DST: variants seen among roughly 807,000 people sequenced by gnomAD.
The protein encoded by DST is bullous pemphigoid antigen.
DST carries 253 observed loss-of-function variants against 875.2 expected under a neutral mutation model. The observed-to-expected ratio is 0.29, with a 90% CI of 0.26 to 0.32. The LOEUF is 0.32. DST is among the 10% of genes least tolerant of loss of function. DST has a pLI of 1.00. For missense variants in DST, 8,287 were observed against 9,111.6 expected (o/e 0.91, Z 3.68); for synonymous variants, 3,124 against 3,197.1 (o/e 0.98, Z 0.77).
chr6:56,945,941 G>A (rs1819247508), intron 2 of DST: 1 of 152,104 alleles, frequency 6.6e-6, no homozygotes, highest in African/African-American at 2.4e-5. Flanking sequence ...GGTTTATTTT[G>A]GGGGTGATGA....
chr6:56,694,347 T>C (rs2099250794), intron 9 of DST, among the ~76,000 whole-genome samples: 1 of 152,154 alleles, frequency 6.6e-6, no homozygotes, highest in African/African-American at 2.4e-5. Flanking sequence ...GAACTCATTA[T>C]ATTTTACTAA....
chr6:56,492,501 G>A, intron 84 of DST, 68 bp from the exon 85 acceptor site: 1 of 1,445,872 alleles, frequency 6.9e-7, no homozygotes, highest in Non-Finnish European at 9.5e-7. Flanking sequence ...AATGCTTCTG[G>A]TGTCATAAAC....
chr6:56,931,642 G>A (rs568776214), intron 2 of DST, among the ~76,000 whole-genome samples: 1 of 152,356 alleles, frequency 6.6e-6, no homozygotes, highest in African/African-American at 2.4e-5. Context: ...AGCTGCCCAA[G>A]AACATGGGAA....
At chr6:56,920,923 T>TTTTC (rs59362783) in intron 2 of DST, among the ~76,000 whole-genome samples, 6 of 141,326 alleles carry the variant, frequency 4.2e-5, no homozygotes, top group African/African-American at 1.6e-4. Flanking sequence ...TTTTTTTTTT[T>TTTTC]CACAGAGACA....
chr6:56,808,314 T>C (rs1211514380), intron 4 of DST, among the ~76,000 whole-genome samples: 1 of 151,076 alleles, frequency 6.6e-6, no homozygotes, highest in Non-Finnish European at 1.5e-5. Context: ...AATACAAAAG[T>C]CTATAGGAAT....
At chr6:56,654,194 C>T in intron 10 of DST, among the ~76,000 whole-genome samples, 2 of 152,080 alleles carry the variant, frequency 1.3e-5, no homozygotes, top group South Asian at 2.1e-4. Flanking sequence ...GAAAAAAAGG[C>T]CATTCTCTTA....
At chr6:56,720,954 C>T (rs1243942869) in intron 5 of DST, among the ~76,000 whole-genome samples, 8 of 152,038 alleles carry the variant, frequency 5.3e-5, no homozygotes, top group African/African-American at 2.4e-5. Flanking sequence ...CCCCACCCCC[C>T]AGACGGGGCA....
intron 34 of DST, among the ~76,000 whole-genome samples, chr6:56,625,851 CT>C (rs1349494447): frequency 3.3e-5 from 5 of 151,512 alleles, no homozygotes; most frequent in Admixed American, 2.0e-4. Flanking sequence ...GTGATTGCCC[CT>C]GAAGACCTTC....
intron 4 of DST, among the ~76,000 whole-genome samples, chr6:56,782,229 T>C (rs1468436032): frequency 2.0e-5 from 3 of 152,236 alleles, no homozygotes; most frequent in Non-Finnish European, 4.4e-5. Flanking sequence ...AGGATGATGC[T>C]GGCCTCACAA....
At chr6:56,472,263 G>A (rs1184135658) in intron 93 of DST, 41 bp from the exon 94 acceptor site, 20 of 1,591,344 alleles carry the variant, frequency 1.3e-5, no homozygotes, top group Admixed American at 1.8e-5. Flanking sequence ...AGTTTCCAGG[G>A]TGCTGAAATG....
intron 2 of DST, among the ~76,000 whole-genome samples, chr6:56,949,602 G>C (rs1381019923): frequency 2.6e-5 from 4 of 152,168 alleles, no homozygotes; most frequent in Non-Finnish European, 4.4e-5. Context: ...TGGACAGAAA[G>C]AGAAAATAAA....
intron 10 of DST, among the ~76,000 whole-genome samples, chr6:56,664,562 C>A (rs1341350649): frequency 6.6e-6 from 1 of 152,110 alleles, no homozygotes; most frequent in Non-Finnish European, 1.5e-5. Context: ...GGATCCCTTG[C>A]CTATTGGCTC....
intron 98 of DST, chr6:56,467,221 C>T (rs2094619639): frequency 6.6e-6 from 1 of 152,102 alleles, no homozygotes; most frequent in Non-Finnish European, 1.5e-5. Context: ...AGGTAACATA[C>T]AATTGTGACT....
Position 56,557,332 on chromosome 6 carries a change from C to T in DST, c.14627G>A (p.Arg4876Lys). ...GGTAATACTCACCTGCACCTGCTGC[C>T]TTTGTGTGTTTAGCATATTTGGGTC... ...SIDPNMLNTQRQQVQILLQEF... is the reference protein window; with the variant it reads ...SIDPNMLNTQKQQVQILLQEF... The change falls in exon 59 of 104, where the codon AGG becomes AAG. Residue 4876 changes from arginine (R) to lysine (K), a missense_variant. Arg to Lys is a conservative substitution (Grantham distance 26). Transcript: ENST00000680361. 1 of 1,612,988 alleles carries T rather than the reference C, an allele frequency of 6.2e-7. No individual in the cohort carries two copies. Among genetic ancestry groups the T allele is most frequent in the Non-Finnish European group, 8.5e-7 (1 of 1,179,556 alleles).
chr6:56,774,941 A>G (rs970556828), intron 4 of DST, among the ~76,000 whole-genome samples: 1 of 151,254 alleles, frequency 6.6e-6, no homozygotes, highest in Admixed American at 6.6e-5. Flanking sequence ...GTGGTGAGCC[A>G]AGATGGCGCC....
chr6:56,636,445 T>C, intron 23 of DST, 112 bp downstream of exon 23: 1 of 779,274 alleles, frequency 1.3e-6, no homozygotes, highest in Non-Finnish European at 2.2e-6. Context: ...TATGTGTGTA[T>C]ATATATACAC....
intron 4 of DST, among the ~76,000 whole-genome samples, chr6:56,784,797 C>T (rs1446985618): frequency 5.3e-5 from 8 of 152,178 alleles, no homozygotes; most frequent in African/African-American, 1.2e-4. Context: ...GGAGGAGAGG[C>T]GCTCTGCTTT....
At chr6:56,590,969 A>ATTTTAT (rs2098262543) in intron 49 of DST, among the ~76,000 whole-genome samples, 1 of 152,364 alleles carries the variant, frequency 6.6e-6, no homozygotes, top group East Asian at 1.9e-4. Flanking sequence ...CCGTGCTAAC[A>ATTTTAT]GCACAATTTT....
chr6:56,785,832 G>A (rs113868325), intron 4 of DST: 5,967 of 157,614 alleles, frequency 0.038, 402 homozygotes, highest in African/African-American at 0.14. Flanking sequence ...GATGCAGACC[G>A]GAGCTGTTCC....
Sources: gnomAD v4.1 joint callset for allele counts (sites outside exome capture counted in the v4.1 genomes callset) on GRCh38, gnomAD v4.1.1 for gene constraint, MANE v1.5 for transcripts, NCBI Gene and HGNC (gene_info 2026-07-23, HGNC 2026-07-21) for gene names.